RASL12: variants seen among roughly 807,000 people sequenced by gnomAD.
RASL12 encodes ras-like protein family member 12.
RASL12 carries 16 observed loss-of-function variants against 22.9 expected under a neutral mutation model. That is an observed-to-expected ratio of 0.70 (90% confidence interval 0.47 to 1.06). RASL12 has a LOEUF of 1.06. RASL12 is among the 50% of genes least tolerant of loss of function. RASL12 has a pLI of 0.00. For synonymous variants in RASL12, 159 were observed against 152.2 expected (o/e 1.04, Z -0.33); for missense variants, 306 against 353.1 (o/e 0.87, Z 1.07).
the RASL12 span, among the ~76,000 whole-genome samples, chr15:65,047,653 A>G: frequency 6.6e-6 from 1 of 152,184 alleles, no homozygotes; most frequent in Non-Finnish European, 1.5e-5. Flanking sequence ...GAATGTCACA[A>G]TCCTTCTTGG....
downstream of RASL12, chr15:65,049,813 G>T: frequency 3.6e-4 from 146 of 404,202 alleles, no homozygotes; most frequent in Middle Eastern, 6.7e-4. Flanking sequence ...CCATAACTTT[G>T]GGCCAGAGGA....
intron 2 of RASL12, among the ~76,000 whole-genome samples, chr15:65,059,948 G>A (rs1566954546): frequency 6.6e-6 from 1 of 152,230 alleles, no homozygotes; most frequent in Non-Finnish European, 1.5e-5. Flanking sequence ...ATGACAGCAG[G>A]GGAGTCTAGT....
downstream of RASL12, chr15:65,050,057 AGGAGCTGCT>A: frequency 6.4e-7 from 1 of 1,551,878 alleles, no homozygotes; most frequent in Non-Finnish European, 8.7e-7. Context: ...GTGGTACCCC[AGGAGCTGCT>A]GGAAGAGATG....
downstream of RASL12, among the ~76,000 whole-genome samples, chr15:65,048,806 C>T (rs1443546590): frequency 1.3e-5 from 2 of 152,052 alleles, no homozygotes; most frequent in South Asian, 2.1e-4. Flanking sequence ...GTCAAGAGTT[C>T]GAGACCAGCC....
downstream of RASL12, among the ~76,000 whole-genome samples, chr15:65,051,956 C>G (rs968681495): frequency 6.6e-6 from 1 of 152,164 alleles, no homozygotes; most frequent in Non-Finnish European, 1.5e-5. Context: ...ATGGGTACAG[C>G]AGACCTGTTC....
chr15:65,059,265 A>T, intron 3 of RASL12, 80 bp downstream of exon 3: 1 of 1,222,670 alleles, frequency 8.2e-7, no homozygotes, highest in Non-Finnish European at 1.2e-6. Context: ...TGCCTATCTG[A>T]GGTCCCGCAC....
At chr15:65,076,500 CA>C (rs1566959390) in intron 1 of RASL12, 1 of 685,070 alleles carries the variant, frequency 1.5e-6, no homozygotes, top group Non-Finnish European at 2.7e-6. Flanking sequence ...AGACTCCAGA[CA>C]CGCTACCTTA....
downstream of RASL12, chr15:65,051,726 AAAT>A: frequency 2.4e-6 from 2 of 819,622 alleles, no homozygotes; most frequent in South Asian, 1.6e-5. Context: ...TGGGACAGCA[AAAT>A]TCAGCCTTCA....
chr15:65,072,656 T>C (rs1466398770), upstream of RASL12, among the ~76,000 whole-genome samples: 1 of 152,138 alleles, frequency 6.6e-6, no homozygotes, highest in African/African-American at 2.4e-5. Flanking sequence ...GGACCCATAG[T>C]TTTAGCTGGT....
upstream of RASL12, among the ~76,000 whole-genome samples, chr15:65,072,497 C>T (rs1425735834): frequency 6.6e-6 from 1 of 152,196 alleles, no homozygotes; most frequent in Non-Finnish European, 1.5e-5. Flanking sequence ...CACTCATTCT[C>T]CCTAAGAAGG....
chr15:65,071,893 G>A (rs1023359750), upstream of RASL12, among the ~76,000 whole-genome samples: 16 of 152,190 alleles, frequency 1.1e-4, no homozygotes, highest in African/African-American at 3.9e-4. Flanking sequence ...GGTGAGGAGT[G>A]GCAGCTAGGG....
chr15:65,048,779 CG>C (rs1452093212), downstream of RASL12, among the ~76,000 whole-genome samples: 4 of 152,220 alleles, frequency 2.6e-5, no homozygotes, highest in East Asian at 7.7e-4. Flanking sequence ...GAGGCCAAGG[CG>C]GGTGGATCAC....
Position 65,054,048 on chromosome 15 carries a change from C to T in RASL12, c.*851G>A, listed in dbSNP as rs973957026. On this transcript the variant is annotated 3_prime_UTR_variant, in exon 5 of 5. Transcript: ENST00000220062. The stretch of plus-strand genomic sequence containing the variant: ...ACCTGCAGGGGGGCAGGCCCTGTAG[C>T]CCCTGGATGGGTCTGATGCTGCTGT... 2.0e-6 allele frequency: 2 copies of T among 985,786 alleles called. No homozygotes were observed. The highest frequency in any genetic ancestry group is 2.4e-6 in the Non-Finnish European group (2 of 829,988). 61.1% of individuals were successfully genotyped at this position (985,786 alleles called of 1,614,324 possible).
chr15:65,065,363 T>A, intron 1 of RASL12, 90 bp from the exon 2 acceptor site: 1 of 1,222,806 alleles, frequency 8.2e-7, no homozygotes, highest in Non-Finnish European at 1.2e-6. Flanking sequence ...CTAACCTCTG[T>A]GATCCCCGGC....
At chr15:65,065,856 G>T (rs893452103) in intron 1 of RASL12, among the ~76,000 whole-genome samples, 1 of 152,050 alleles carries the variant, frequency 6.6e-6, no homozygotes, top group Non-Finnish European at 1.5e-5. Context: ...GGCTTTCTCT[G>T]GGGCCTCTAC....
At chr15:65,049,969 A>G (rs1432457493), downstream of RASL12, 1 of 1,523,724 alleles carries the variant, frequency 6.6e-7, no homozygotes, top group Non-Finnish European at 8.9e-7. Context: ...TAAGGGGTCT[A>G]AGGACCTCGT....
At chr15:65,061,856 T>TG (rs1460543932) in intron 2 of RASL12, among the ~76,000 whole-genome samples, 3 of 151,846 alleles carry the variant, frequency 2.0e-5, no homozygotes, top group Admixed American at 6.6e-5. Flanking sequence ...TAGACCATCC[T>TG]GCTGAACACG....
the RASL12 span, among the ~76,000 whole-genome samples, chr15:65,048,153 C>T: frequency 2.0e-5 from 3 of 151,510 alleles, no homozygotes; most frequent in Admixed American, 1.3e-4. Flanking sequence ...TGCACTCCAG[C>T]CTGGGCGACA....
the RASL12 span, among the ~76,000 whole-genome samples, chr15:65,047,792 AGAT>A: frequency 2.8e-5 from 3 of 106,250 alleles, no homozygotes; most frequent in Non-Finnish European, 5.8e-5. Context: ...ATAGATCGAT[AGAT>A]GATAGATAGA....
Sources: gnomAD v4.1 joint callset for allele counts (sites outside exome capture counted in the v4.1 genomes callset) on GRCh38, gnomAD v4.1.1 for gene constraint, MANE v1.5 for transcripts, NCBI Gene and HGNC (gene_info 2026-07-23, HGNC 2026-07-21) for gene names.